The following LAMC1 variants were observed in gnomAD, a reference collection of about 807,000 sequenced individuals.
The protein encoded by LAMC1 is laminin subunit gamma 1.
In LAMC1, 38 loss-of-function variants were observed where a neutral mutation model predicts 173.6. The observed-to-expected ratio is 0.22, with a 90% CI of 0.17 to 0.29. The LOEUF (loss-of-function observed/expected upper bound fraction) is 0.29, where lower values mean the gene tolerates loss of function less well. Ranked by LOEUF, LAMC1 falls within the 10% of genes least tolerant of loss-of-function variation. LAMC1 has a pLI of 1.00. For missense variants in LAMC1, 1,824 were observed against 2,051.8 expected (o/e 0.89, Z 2.14); for synonymous variants, 746 against 749.1 (o/e 1.00, Z 0.07).
intron 1 of LAMC1, among the ~76,000 whole-genome samples, chr1:183,072,635 C>T (rs1218061495): frequency 6.6e-6 from 1 of 152,204 alleles, no homozygotes; most frequent in African/African-American, 2.4e-5. Context: ...GGCCACGAAC[C>T]GGTACCAGTC....
At chr1:183,025,479 G>A (rs545047928) in intron 1 of LAMC1, among the ~76,000 whole-genome samples, 80 of 152,250 alleles carry the variant, frequency 5.3e-4, no homozygotes, top group Middle Eastern at 6.8e-3. Flanking sequence ...GATACTATGA[G>A]GTATCTGTTT....
intron 1 of LAMC1, among the ~76,000 whole-genome samples, chr1:183,031,051 A>C (rs1438531359): frequency 6.6e-6 from 1 of 152,212 alleles, no homozygotes. Context: ...TAGATTCTTA[A>C]AGGGAATTAT....
chr1:183,133,317 G>A (rs769005947), intron 21 of LAMC1, 89 bp from the exon 22 acceptor site: 73 of 1,119,298 alleles, frequency 6.5e-5, no homozygotes, highest in East Asian at 3.9e-4. Flanking sequence ...GGTTTTGGGC[G>A]TATTATCACA....
chr1:183,140,598 T>A, intron 27 of LAMC1, 95 bp downstream of exon 27: 3 of 589,688 alleles, frequency 5.1e-6, no homozygotes, highest in Non-Finnish European at 8.6e-6. Context: ...GCAGATGATA[T>A]AGGTTTACAT....
At chr1:183,131,428 G>GTGTGTTTGTGT (rs1553258264) in intron 20 of LAMC1, 50 bp downstream of exon 20, 1 of 873,066 alleles carries the variant, frequency 1.1e-6, no homozygotes, top group African/African-American at 1.8e-5. Context: ...TCTGTTATGG[G>GTGTGTTTGTGT]GTGTGTGTGT....
rs199543851 is a variant in LAMC1 at position 183,112,381 on chromosome 1, A to G, written c.1021+1727A>G. ...ATAATGTCGTATTTTGAGTCTATCCAGGAAGTTACTTAAAGAACCAAACAT... is the reference window on the plus strand; with the variant it reads ...ATAATGTCGTATTTTGAGTCTATCCGGGAAGTTACTTAAAGAACCAAACAT... On this transcript the variant is annotated intron_variant, in intron 4 of 27. Coordinates refer to ENST00000258341, the MANE Select transcript of LAMC1 (RefSeq NM_002293.4). 3.3e-5 allele frequency among the ~76,000 whole-genome samples: 5 copies of G among 152,234 alleles called. No homozygotes were observed. The East Asian group carries it at 9.6e-4, about 29-fold the overall frequency.
At chr1:183,042,106 T>C (rs1654151123) in intron 1 of LAMC1, among the ~76,000 whole-genome samples, 1 of 152,204 alleles carries the variant, frequency 6.6e-6, no homozygotes, top group Non-Finnish European at 1.5e-5. Flanking sequence ...TTTTAAATCA[T>C]TGAAGTTTGT....
intron 1 of LAMC1, among the ~76,000 whole-genome samples, chr1:183,066,913 A>T (rs545083143): frequency 4.6e-4 from 70 of 152,298 alleles, no homozygotes; most frequent in African/African-American, 1.7e-3. Context: ...TTGTGTACCT[A>T]TGTAACAAAC....
chr1:183,096,730 T>A (rs980071392), intron 1 of LAMC1: 1 of 152,244 alleles, frequency 6.6e-6, no homozygotes, highest in Non-Finnish European at 1.5e-5. Flanking sequence ...CTAAATATAC[T>A]TTCTAAGGGA....
chr1:183,033,504 A>T (rs6678517), intron 1 of LAMC1, among the ~76,000 whole-genome samples: 31 of 152,118 alleles, frequency 2.0e-4, no homozygotes, highest in African/African-American at 7.2e-4. Flanking sequence ...TGCTTTGGTC[A>T]CAATATCTGG....
intron 1 of LAMC1, among the ~76,000 whole-genome samples, chr1:183,071,769 A>AGT (rs1158474601): frequency 1.3e-5 from 2 of 152,204 alleles, no homozygotes; most frequent in South Asian, 4.1e-4. Context: ...ATAGTGCTGA[A>AGT]GTGCCGTCTT....
rs2102112455 is a variant in LAMC1, at chr1:183,137,276, C to A, written c.4315-393C>A. Among the ~76,000 whole-genome samples, 2 of 152,236 alleles carry A rather than the reference C, an allele frequency of 1.3e-5. 1 individual carries two copies. Among genetic ancestry groups the A allele is most frequent in the South Asian group, 4.1e-4 (2 of 4,826 alleles). On this transcript the variant is annotated intron_variant, in intron 25 of 27. Coordinates refer to ENST00000258341, the MANE Select transcript of LAMC1 (RefSeq NM_002293.4). ...ATTATGATGAACTGCCAAGAATGAACCAAGCTAGCTTTGAATTTAAATTTT... is the reference window on the plus strand; with the variant it reads ...ATTATGATGAACTGCCAAGAATGAAACAAGCTAGCTTTGAATTTAAATTTT...
At chr1:183,048,119 A>T (rs1211068777) in intron 1 of LAMC1, among the ~76,000 whole-genome samples, 1 of 152,212 alleles carries the variant, frequency 6.6e-6, no homozygotes, top group Non-Finnish European at 1.5e-5. Context: ...AAAATATCAA[A>T]TGTAAATAAA....
chr1:183,125,066 C>G, intron 14 of LAMC1, 190 bp downstream of exon 14: 1 of 664,960 alleles, frequency 1.5e-6, no homozygotes, highest in South Asian at 2.1e-5. Context: ...TGGCTGACAC[C>G]TGTGGTCCTG....
intron 1 of LAMC1, among the ~76,000 whole-genome samples, chr1:183,052,860 C>A (rs1365330405): frequency 6.6e-6 from 1 of 152,082 alleles, no homozygotes; most frequent in African/African-American, 2.4e-5. Flanking sequence ...CCTTTATTTC[C>A]ATTTTCTTCT....
At chr1:183,125,988 A>T in intron 15 of LAMC1, 132 bp from the exon 16 acceptor site, 1 of 861,488 alleles carries the variant, frequency 1.2e-6, no homozygotes, top group Middle Eastern at 2.3e-4. Flanking sequence ...TTAACATTCC[A>T]TCTTAGTAAC....
chr1:183,085,538 T>G (rs902279351), intron 1 of LAMC1, among the ~76,000 whole-genome samples: 9 of 148,034 alleles, frequency 6.1e-5, no homozygotes, highest in Non-Finnish European at 9.0e-5. Flanking sequence ...AATTTTTGTG[T>G]TTTTTTTTTC....
At chr1:183,115,140 A>G (rs1456083321) in intron 5 of LAMC1, among the ~76,000 whole-genome samples, 2 of 152,202 alleles carry the variant, frequency 1.3e-5, no homozygotes, top group African/African-American at 2.4e-5. Context: ...CCATTCTTCA[A>G]GAGTTTAACC....
chr1:183,130,309 A>G (rs544465157), intron 18 of LAMC1, 35 bp from the exon 19 acceptor site: 3 of 1,548,070 alleles, frequency 1.9e-6, no homozygotes, highest in African/African-American at 2.7e-5. Flanking sequence ...TCCTCTTCAG[A>G]TAATTTACAG....
Sources: allele counts gnomAD v4.1 joint callset (sites outside exome capture counted in the v4.1 genomes callset), GRCh38; gene constraint gnomAD v4.1.1; transcripts MANE v1.5; gene names NCBI Gene and HGNC (gene_info 2026-07-23, HGNC 2026-07-21).